Variants in RGS8 observed in about 807,000 individuals in gnomAD.
RGS8 encodes regulator of G-protein signaling 8.
A neutral mutation model predicts 21.7 loss-of-function variants in RGS8; 8 were observed. That is an observed-to-expected ratio of 0.37 (90% confidence interval 0.22 to 0.66). The LOEUF (loss-of-function observed/expected upper bound fraction) is 0.66, where lower values mean the gene tolerates loss of function less well. RGS8 is among the 30% of genes least tolerant of loss of function. The pLI is 0.59. For missense variants in RGS8, 157 were observed against 217.9 expected (o/e 0.72, Z 1.76); for synonymous variants, 80 against 83.6 (o/e 0.96, Z 0.24).
At chr1:182,672,777 T>C (rs1297332489), upstream of RGS8, 1 of 1,612,518 alleles carries the variant, frequency 6.2e-7, no homozygotes, top group South Asian at 1.1e-5. Flanking sequence ...GATCCCTATT[T>C]TTCTGTCTTT....
the RGS8 span, among the ~76,000 whole-genome samples, chr1:182,733,163 G>C: frequency 6.6e-6 from 1 of 152,322 alleles, no homozygotes; most frequent in East Asian, 1.9e-4. Flanking sequence ...CAAATGCTGT[G>C]TTCATAGGCA....
At position 182,671,645 on chromosome 1, in the gene RGS8, G is replaced by C; in HGVS notation, c.-104+12C>G. On this transcript the variant is annotated intron_variant, in intron 2 of 6. Coordinates refer to ENST00000483095, the Ensembl canonical transcript of RGS8. ...CCCGGAGAAGAAAGAGAAAAGCAAA[G>C]GCAATACTCACTGTCTTTGGCCAGT... 1.9e-6 allele frequency: 3 copies of C among 1,612,978 alleles called. No individual in the cohort carries two copies. The highest frequency in any genetic ancestry group is 2.5e-6 in the Non-Finnish European group (3 of 1,178,942).
At chr1:182,664,535 C>G (rs142272613) in intron 5 of RGS8, among the ~76,000 whole-genome samples, 94 of 152,092 alleles carry the variant, frequency 6.2e-4, no homozygotes, top group African/African-American at 2.2e-3. Flanking sequence ...GAAAAGAAGG[C>G]GTACATTGGT....
At chr1:182,700,865 G>GA in the RGS8 span, among the ~76,000 whole-genome samples, 1 of 152,204 alleles carries the variant, frequency 6.6e-6, no homozygotes, top group South Asian at 2.1e-4. Flanking sequence ...TAAGACACCA[G>GA]AAAAAAGTAA....
chr1:182,741,335 C>T, the RGS8 span, among the ~76,000 whole-genome samples: 2 of 127,080 alleles, frequency 1.6e-5, no homozygotes, highest in East Asian at 5.0e-4. Flanking sequence ...CCCTCCCGGA[C>T]GGGGCGGCTG....
chr1:182,648,817 A>AGGGCTGGACGCAGTG (rs1662839589), intron 5 of RGS8, among the ~76,000 whole-genome samples: 1 of 151,424 alleles, frequency 6.6e-6, no homozygotes, highest in Non-Finnish European at 1.5e-5. Flanking sequence ...CAAGAGTCAT[A>AGGGCTGGACGCAGTG]GGGCTGGACG....
chr1:182,731,085 C>T, the RGS8 span, among the ~76,000 whole-genome samples: 1 of 152,178 alleles, frequency 6.6e-6, no homozygotes, highest in Non-Finnish European at 1.5e-5. Context: ...TCACCTATAA[C>T]TTGCCCCTAA....
chr1:182,717,408 C>A, the RGS8 span, among the ~76,000 whole-genome samples: 2 of 152,152 alleles, frequency 1.3e-5, no homozygotes, highest in African/African-American at 4.8e-5. Context: ...CAGAGTATCT[C>A]CTTCCTTTTA....
chr1:182,685,005 C>T (rs990394786), upstream of RGS8, among the ~76,000 whole-genome samples: 1 of 151,996 alleles, frequency 6.6e-6, no homozygotes, highest in Non-Finnish European at 1.5e-5. Context: ...CTCTCCTTTC[C>T]TAACCAACAA....
At chr1:182,699,943 C>CA in the RGS8 span, among the ~76,000 whole-genome samples, 1 of 152,330 alleles carries the variant, frequency 6.6e-6, no homozygotes, top group Non-Finnish European at 1.5e-5. Flanking sequence ...GGCGCACCCT[C>CA]ACACAGTGCC....
At chr1:182,698,949 C>T in the RGS8 span, among the ~76,000 whole-genome samples, 1 of 152,134 alleles carries the variant, frequency 6.6e-6, no homozygotes, top group Admixed American at 6.5e-5. Flanking sequence ...ATATTCAGCA[C>T]GTCTGTGTAA....
chr1:182,700,180 C>T, the RGS8 span, among the ~76,000 whole-genome samples: 14 of 152,330 alleles, frequency 9.2e-5, no homozygotes, highest in African/African-American at 2.6e-4. Flanking sequence ...GGGGATCCCT[C>T]GGCGGTTAGG....
At chr1:182,671,899 T>C in exon 1 of RGS8, 1 of 1,472,558 alleles carries the variant, frequency 6.8e-7, no homozygotes, top group South Asian at 1.4e-5. Flanking sequence ...AGCTCTTCTC[T>C]CTGCTTGTCA....
upstream of RGS8, among the ~76,000 whole-genome samples, chr1:182,689,264 G>GACACACACACAC (rs34000229): frequency 8.0e-5 from 10 of 125,772 alleles, no homozygotes; most frequent in African/African-American, 2.2e-4. Context: ...CACACACACA[G>GACACACACACAC]ACACACACAC....
At chr1:182,704,404 T>C in the RGS8 span, among the ~76,000 whole-genome samples, 3 of 152,320 alleles carry the variant, frequency 2.0e-5, 1 homozygote, top group South Asian at 6.2e-4. Flanking sequence ...TCATAAGCCC[T>C]TCTTTTGGTT....
At chr1:182,742,774 G>A in the RGS8 span, among the ~76,000 whole-genome samples, 1 of 152,060 alleles carries the variant, frequency 6.6e-6, no homozygotes, top group East Asian at 1.9e-4. Flanking sequence ...ACAGGGACAG[G>A]GAGAGGGAGA....
chr1:182,748,293 A>G, the RGS8 span, among the ~76,000 whole-genome samples: 1 of 152,218 alleles, frequency 6.6e-6, no homozygotes, highest in Admixed American at 6.5e-5. Context: ...GCCTATGGCA[A>G]CCACCATTCT....
intron 3 of RGS8, among the ~76,000 whole-genome samples, chr1:182,669,064 G>T (rs991721623): frequency 7.9e-5 from 12 of 152,184 alleles, no homozygotes; most frequent in African/African-American, 2.9e-4. Flanking sequence ...CAGTGTAAAG[G>T]ATGCTACTTG....
the RGS8 span, among the ~76,000 whole-genome samples, chr1:182,705,792 T>A: frequency 6.6e-6 from 1 of 152,146 alleles, no homozygotes; most frequent in Non-Finnish European, 1.5e-5. Flanking sequence ...TCTCCAGAAA[T>A]GGCGTTTGTG....
Sources: allele counts gnomAD v4.1 joint callset (sites outside exome capture counted in the v4.1 genomes callset), GRCh38; gene constraint gnomAD v4.1.1; transcripts MANE v1.5; gene names NCBI Gene and HGNC (gene_info 2026-07-23, HGNC 2026-07-21).